DAAM2: variants seen among roughly 807,000 people sequenced by gnomAD.
DAAM2 encodes the protein disheveled-associated activator of morphogenesis 2.
A neutral mutation model predicts 120.7 loss-of-function variants in DAAM2; 39 were observed. The ratio of observed to expected loss-of-function variants is 0.32; its 90% CI spans 0.25 to 0.42. DAAM2 has a LOEUF of 0.42. Ranked by LOEUF, DAAM2 falls within the 10% of genes least tolerant of loss-of-function variation. The pLI is 1.00. For synonymous variants in DAAM2, 488 were observed against 524.9 expected, an observed-to-expected ratio of 0.93 and a Z score of 0.96; for missense variants, 1,283 against 1,401.7, an observed-to-expected ratio of 0.92 and a Z score of 1.35.
intron 1 of DAAM2, among the ~76,000 whole-genome samples, chr6:39,825,051 A>G (rs1355790477): frequency 6.6e-6 from 1 of 152,202 alleles, no homozygotes; most frequent in African/African-American, 2.4e-5. Flanking sequence ...GAGCCTGATC[A>G]GAGAGGCTGC....
In DAAM2 at chr6:39,856,282, G is replaced by T. The variant is rs758879407; in HGVS notation, c.-21G>T. On this transcript the variant is annotated 5_prime_UTR_variant, in exon 2 of 25. Coordinates refer to ENST00000274867, the MANE Select transcript of DAAM2 (RefSeq NM_001201427.2). ...GGACCTAGGGCATCTGTCTGCTGACGCCCCCTGGCCTGCAGTGACCATGGC... is the reference window on the plus strand; with the variant it reads ...GGACCTAGGGCATCTGTCTGCTGACTCCCCCTGGCCTGCAGTGACCATGGC... 1.4e-6 allele frequency: 2 copies of T among 1,468,434 alleles called. No individual in the cohort carries two copies. Among genetic ancestry groups the T allele is most frequent in the Non-Finnish European group, 1.8e-6 (2 of 1,109,112 alleles). 91.0% of individuals were successfully genotyped at this position (1,468,434 alleles called of 1,614,324 possible).
intron 2 of DAAM2, among the ~76,000 whole-genome samples, chr6:39,857,992 G>A (rs1274054124): frequency 6.6e-6 from 1 of 152,096 alleles, no homozygotes; most frequent in African/African-American, 2.4e-5. Context: ...GCAGGGAGCT[G>A]TATTCTAGAC....
intron 19 of DAAM2, among the ~76,000 whole-genome samples, chr6:39,894,176 T>C (rs999943172): frequency 1.3e-5 from 2 of 152,214 alleles, no homozygotes; most frequent in African/African-American, 4.8e-5. Flanking sequence ...TGTGAATATA[T>C]CTAAAATGTC....
intron 1 of DAAM2, among the ~76,000 whole-genome samples, chr6:39,851,711 C>T (rs996448548): frequency 1.3e-5 from 2 of 152,132 alleles, no homozygotes; most frequent in African/African-American, 4.8e-5. Context: ...GGGAAGCGCT[C>T]AGTACAGGCA....
intron 1 of DAAM2, among the ~76,000 whole-genome samples, chr6:39,831,529 G>A: frequency 6.6e-6 from 1 of 151,806 alleles, no homozygotes. Context: ...TGCCAAAGAT[G>A]ACACAGCAGA....
intron 5 of DAAM2, among the ~76,000 whole-genome samples, chr6:39,866,173 G>A (rs1183737713): frequency 1.3e-5 from 2 of 152,228 alleles, no homozygotes; most frequent in South Asian, 4.1e-4. Flanking sequence ...GTAGTGGTGG[G>A]GCTCTGGAAT....
At chr6:39,813,894 G>C (rs567286369) in intron 1 of DAAM2, among the ~76,000 whole-genome samples, 1 of 152,206 alleles carries the variant, frequency 6.6e-6, no homozygotes, top group Non-Finnish European at 1.5e-5. Context: ...CTTCTGGTTA[G>C]TATTACCAAC....
chr6:39,863,938 T>C (rs1333949738), intron 3 of DAAM2, among the ~76,000 whole-genome samples: 1 of 152,236 alleles, frequency 6.6e-6, no homozygotes, highest in Non-Finnish European at 1.5e-5. Context: ...GTGCCTACTA[T>C]GTGCCAAGTG....
In DAAM2 at chr6:39,901,294, C is replaced by A. The variant is rs1488747299; in HGVS notation, c.2812-8C>A. 6.2e-7 allele frequency: 1 copy of A among 1,611,896 alleles called. No homozygotes were observed. The highest frequency in any genetic ancestry group is 1.7e-5 in the Admixed American group (1 of 59,952). ...ACTCTCCACCAATCCTGTTCTGTCCCTTGACAGTTCGCCAAGGCCTTGATG... is the reference window on the plus strand; with the variant it reads ...ACTCTCCACCAATCCTGTTCTGTCCATTGACAGTTCGCCAAGGCCTTGATG... On this transcript the variant is annotated splice_region_variant and splice_polypyrimidine_tract_variant and intron_variant, in intron 23 of 24. Transcript: ENST00000274867. The surrounding 1 kb of genome is among the most constrained non-coding windows in gnomAD (Gnocchi z 4.5).
intron 1 of DAAM2, among the ~76,000 whole-genome samples, chr6:39,854,510 A>T (rs553811137): frequency 6.6e-6 from 1 of 152,320 alleles, no homozygotes; most frequent in Admixed American, 6.5e-5. Flanking sequence ...TTCTGTCACA[A>T]AGTTTATAAA....
Position 39,903,913 on chromosome 6 carries a change from T to G in DAAM2, c.*1876T>G, listed in dbSNP as rs557759900. The G allele has an allele frequency of 3.2e-4, 103 of 323,334 alleles. No individual in the cohort carries two copies. The highest frequency in any genetic ancestry group is 2.0e-3 in the African/African-American group (95 of 46,400). The allele number at this position is 323,334 out of a possible 1,614,324, so 20.0% of individuals were successfully genotyped here. ...CCCAGGTGAGGGCAAGATGAAGGCT[T>G]CCAGGCAGAACAGCTGCAGAGAGTT... On this transcript the variant is annotated 3_prime_UTR_variant, in exon 25 of 25. Coordinates refer to ENST00000274867, the MANE Select transcript of DAAM2 (RefSeq NM_001201427.2).
At chr6:39,841,437 CCT>C (rs1763337152) in intron 1 of DAAM2, among the ~76,000 whole-genome samples, 1 of 151,746 alleles carries the variant, frequency 6.6e-6, no homozygotes, top group Admixed American at 6.6e-5. Flanking sequence ...AGAGGGAGGG[CCT>C]CTACATGGAG....
Position 39,904,680 on chromosome 6 carries a change from G to A in DAAM2, c.*2643G>A. The A allele has an allele frequency of 2.2e-6, 1 of 453,426 alleles. No individual in the cohort carries two copies. Among genetic ancestry groups the A allele is most frequent in the South Asian group, 1.6e-5 (1 of 64,472 alleles). The allele number at this position is 453,426 out of a possible 1,614,324, so 28.1% of individuals were successfully genotyped here. On this transcript the variant is annotated 3_prime_UTR_variant, in exon 25 of 25. Transcript: ENST00000274867. Reference sequence around the variant, plus strand: ...CTCCCATCCCATTTCCACCAACTGGGGAACTGTGACTATCTATCTCCCCCG... The same window carrying A: ...CTCCCATCCCATTTCCACCAACTGGAGAACTGTGACTATCTATCTCCCCCG...
intron 17 of DAAM2, among the ~76,000 whole-genome samples, chr6:39,890,440 A>G (rs1765642829): frequency 6.6e-6 from 1 of 152,186 alleles, no homozygotes; most frequent in Non-Finnish European, 1.5e-5. Flanking sequence ...GTAGAATCCT[A>G]CTCAGCAATA....
At chr6:39,824,027 C>T (rs772914792) in intron 1 of DAAM2, among the ~76,000 whole-genome samples, 1 of 152,194 alleles carries the variant, frequency 6.6e-6, no homozygotes, top group Non-Finnish European at 1.5e-5. Context: ...CCAGACTCCA[C>T]TCTACCCTCT....
intron 1 of DAAM2, among the ~76,000 whole-genome samples, chr6:39,801,769 G>A (rs567397014): frequency 2.0e-5 from 3 of 152,154 alleles, no homozygotes; most frequent in Non-Finnish European, 2.9e-5. Context: ...CAGACTCCGG[G>A]ATCCAGACTC....
At chr6:39,833,558 T>C (rs568598442) in intron 1 of DAAM2, among the ~76,000 whole-genome samples, 1 of 152,286 alleles carries the variant, frequency 6.6e-6, no homozygotes, top group South Asian at 2.1e-4. Flanking sequence ...TCCACCTGCT[T>C]CAGCCTCCCA....
chr6:39,879,657 A>G, intron 14 of DAAM2, 180 bp downstream of exon 14: 2 of 738,986 alleles, frequency 2.7e-6, no homozygotes, highest in Admixed American at 2.1e-5. Flanking sequence ...CGGTCAGAAC[A>G]CCTACCCTGG....
intron 4 of DAAM2, among the ~76,000 whole-genome samples, 189 bp from the exon 5 acceptor site, chr6:39,864,791 A>G (rs1300526808): frequency 1.3e-5 from 2 of 152,162 alleles, no homozygotes; most frequent in South Asian, 2.1e-4. Context: ...ACTTCTCTCC[A>G]TTTCACAGAT....
Sources: gnomAD v4.1 joint callset for allele counts (sites outside exome capture counted in the v4.1 genomes callset) on GRCh38, gnomAD v4.1.1 for gene constraint, Gnocchi (gnomAD v3.1) non-coding constraint, MANE v1.5 for transcripts, NCBI Gene and HGNC (gene_info 2026-07-23, HGNC 2026-07-21) for gene names.